The following BCAS3 variants were observed in gnomAD, a reference collection of about 807,000 sequenced individuals.
The protein encoded by BCAS3 is BCAS3 microtubule associated cell migration factor.
BCAS3 carries 53 observed loss-of-function variants against 116.1 expected under a neutral mutation model. The ratio of observed to expected loss-of-function variants is 0.46; its 90% CI spans 0.37 to 0.57. The LOEUF (loss-of-function observed/expected upper bound fraction) is 0.57, where lower values mean the gene tolerates loss of function less well. Ranked by LOEUF, BCAS3 falls within the 20% of genes least tolerant of loss-of-function variation. The probability of loss-of-function intolerance (pLI) is 0.00; values close to 1 mark genes in which losing one functional copy is unlikely to be tolerated. For synonymous variants in BCAS3, 391 were observed against 408.2 expected, an observed-to-expected ratio of 0.96 and a Z score of 0.51; for missense variants, 917 against 1,165.4, an observed-to-expected ratio of 0.79 and a Z score of 3.10.
chr17:60,759,796 C>CT (rs2043344083), intron 6 of BCAS3, among the ~76,000 whole-genome samples: 1 of 152,118 alleles, frequency 6.6e-6, no homozygotes, highest in Admixed American at 6.6e-5. Context: ...TCCTGAGTAG[C>CT]TGGGAGTACA....
At chr17:61,110,926 T>C (rs1165069317) in intron 22 of BCAS3, among the ~76,000 whole-genome samples, 1 of 151,984 alleles carries the variant, frequency 6.6e-6, no homozygotes, top group East Asian at 1.9e-4. Flanking sequence ...CTCAAGTGGG[T>C]CCCTGACCCC....
At chr17:60,756,529 G>C (rs1296395900) in intron 6 of BCAS3, among the ~76,000 whole-genome samples, 3 of 152,168 alleles carry the variant, frequency 2.0e-5, no homozygotes, top group African/African-American at 4.8e-5. Flanking sequence ...TGTGACATCT[G>C]AATTTCTGTG....
chr17:61,312,125 A>C (rs965654565), intron 22 of BCAS3, among the ~76,000 whole-genome samples: 10 of 152,136 alleles, frequency 6.6e-5, no homozygotes, highest in African/African-American at 2.4e-4. Context: ...AGTAAGAGGT[A>C]CTGGCCCTTG....
intron 22 of BCAS3, among the ~76,000 whole-genome samples, chr17:61,117,482 C>T (rs770818151): frequency 6.6e-6 from 1 of 152,014 alleles, no homozygotes; most frequent in Non-Finnish European, 1.5e-5. Context: ...GTAGACCCAA[C>T]TACTAGGGAG....
intron 22 of BCAS3, among the ~76,000 whole-genome samples, chr17:61,280,505 A>C (rs1344767463): frequency 6.6e-6 from 1 of 152,238 alleles, no homozygotes; most frequent in Non-Finnish European, 1.5e-5. Context: ...TTCAGGTTTG[A>C]GTCACAACTT....
At chr17:60,792,865 C>G (rs1376101835) in intron 6 of BCAS3, among the ~76,000 whole-genome samples, 2 of 152,168 alleles carry the variant, frequency 1.3e-5, no homozygotes, top group African/African-American at 4.8e-5. Flanking sequence ...CTCAGGTATA[C>G]TGTTATGGCA....
At chr17:61,270,624 T>C (rs1010451673) in intron 22 of BCAS3, among the ~76,000 whole-genome samples, 4 of 152,240 alleles carry the variant, frequency 2.6e-5, no homozygotes, top group African/African-American at 9.6e-5. Flanking sequence ...TTTGCTTTCA[T>C]TGCCTGCGCT....
At chr17:61,005,114 G>C (rs1021268106) in intron 15 of BCAS3, among the ~76,000 whole-genome samples, 7 of 152,082 alleles carry the variant, frequency 4.6e-5, no homozygotes, top group Non-Finnish European at 7.4e-5. Flanking sequence ...TTCTCAACTG[G>C]GGATGGTCGT....
At chr17:61,210,360 T>A (rs1385055009) in intron 22 of BCAS3, among the ~76,000 whole-genome samples, 1 of 152,198 alleles carries the variant, frequency 6.6e-6, no homozygotes, top group Non-Finnish European at 1.5e-5. Flanking sequence ...TCTAATACAG[T>A]GGCTTGTTAA....
At chr17:61,076,823 A>G (rs1452565077) in intron 20 of BCAS3, among the ~76,000 whole-genome samples, 1 of 152,230 alleles carries the variant, frequency 6.6e-6, no homozygotes, top group African/African-American at 2.4e-5. Context: ...TACTTGAATC[A>G]GAAATCACTG....
chr17:61,191,635 T>C (rs537766213), intron 22 of BCAS3, among the ~76,000 whole-genome samples: 10 of 151,474 alleles, frequency 6.6e-5, no homozygotes, highest in Admixed American at 5.9e-4. Flanking sequence ...ATTAGACAGG[T>C]GTGGTGACGG....
intron 22 of BCAS3, among the ~76,000 whole-genome samples, chr17:61,269,771 T>C (rs1328526450): frequency 2.0e-5 from 3 of 152,144 alleles, no homozygotes; most frequent in Non-Finnish European, 2.9e-5. Context: ...GATTAATGTC[T>C]ATTCAATTCC....
At chr17:60,857,242 T>C (rs1179727793) in intron 7 of BCAS3, among the ~76,000 whole-genome samples, 1 of 152,196 alleles carries the variant, frequency 6.6e-6, no homozygotes, top group East Asian at 1.9e-4. Flanking sequence ...TAAAGAAGCA[T>C]TTATTAATAA....
chr17:60,706,556 C>T (rs1051818956), intron 4 of BCAS3, among the ~76,000 whole-genome samples: 3 of 152,108 alleles, frequency 2.0e-5, no homozygotes, highest in African/African-American at 4.8e-5. Flanking sequence ...CATGGTGGCT[C>T]ATGCCTTTAT....
At chr17:60,954,573 A>G (rs1179643200) in intron 14 of BCAS3, among the ~76,000 whole-genome samples, 2 of 152,192 alleles carry the variant, frequency 1.3e-5, no homozygotes, top group East Asian at 1.9e-4. Flanking sequence ...TACCCATACT[A>G]GTAGTTCCTT....
At chr17:61,232,572 T>G (rs1010883121) in intron 22 of BCAS3, among the ~76,000 whole-genome samples, 3 of 152,156 alleles carry the variant, frequency 2.0e-5, no homozygotes, top group Admixed American at 6.5e-5. Context: ...TAGTCCTGCT[T>G]TGAGAACCCT....
rs149674935 is a variant in BCAS3 at position 61,184,907 on chromosome 17, G to A, written c.2425+100343G>A. Among the ~76,000 whole-genome samples, 436 of 152,164 alleles carry A rather than the reference G, an allele frequency of 2.9e-3. 2 individuals are homozygous for A. Among genetic ancestry groups the A allele is most frequent in the African/African-American group, 0.01 (420 of 41,532 alleles). ...AGCAGAACTATAGAGGTAGAATGCA[G>A]ATCAGTGATTTCCAGGGGCCAGGAG... On this transcript the variant is annotated intron_variant, in intron 22 of 23. Coordinates refer to ENST00000407086, the MANE Select transcript of BCAS3 (RefSeq NM_017679.5).
rs1481846401 is a variant in BCAS3 at position 61,119,537 on chromosome 17, A to G, written c.2425+34973A>G. On this transcript the variant is annotated intron_variant, in intron 22 of 23. Coordinates refer to ENST00000407086, the MANE Select transcript of BCAS3 (RefSeq NM_017679.5). ...AATAGAAAGATGTCTTCTTTAAATAATAAATAATAGCTATCTTAAACCAAA... is the reference window on the plus strand; with the variant it reads ...AATAGAAAGATGTCTTCTTTAAATAGTAAATAATAGCTATCTTAAACCAAA... Among the ~76,000 whole-genome samples the G allele has an allele frequency of 2.7e-4, 41 of 152,130 alleles. 1 individual carries two copies. The highest frequency in any genetic ancestry group is 1.5e-5 in the Non-Finnish European group (1 of 67,994).
rs957212255 is a variant in BCAS3, at chr17:60,922,420, T to C, written c.994-1987T>C. ...GATTACAGGCATGAGCCACCGCGCC[T>C]GGCCCAATTTTAGCTCTTTATTACA... is the stretch of plus-strand genomic sequence containing the variant. On this transcript the variant is annotated intron_variant, in intron 12 of 23. Coordinates refer to ENST00000407086, the MANE Select transcript of BCAS3 (RefSeq NM_017679.5). 2.6e-5 allele frequency among the ~76,000 whole-genome samples: 4 copies of C among 152,168 alleles called. 1 individual carries two copies. Among genetic ancestry groups the C allele is most frequent in the Admixed American group, 2.0e-4 (3 of 15,270 alleles).
Sources: allele counts gnomAD v4.1 joint callset (sites outside exome capture counted in the v4.1 genomes callset), GRCh38; gene constraint gnomAD v4.1.1; transcripts MANE v1.5; gene names NCBI Gene and HGNC (gene_info 2026-07-23, HGNC 2026-07-21).